The following KYNU variants were observed in gnomAD, a reference collection of about 807,000 sequenced individuals.
KYNU encodes L-kynurenine hydrolase.
In KYNU, 54 loss-of-function variants were observed where a neutral mutation model predicts 59.2. The observed-to-expected ratio is 0.91, with a 90% CI of 0.73 to 1.14. KYNU has a LOEUF of 1.14. Ranked by LOEUF, KYNU falls within the 50% of genes most tolerant of loss-of-function variation. The probability of loss-of-function intolerance (pLI) is 0.00; values close to 1 mark genes in which losing one functional copy is unlikely to be tolerated. For synonymous variants in KYNU, 177 were observed against 192.0 expected, an observed-to-expected ratio of 0.92 and a Z score of 0.65; for missense variants, 567 against 554.4, an observed-to-expected ratio of 1.02 and a Z score of -0.23.
At chr2:142,994,476 C>G (rs1358053348) in intron 10 of KYNU, among the ~76,000 whole-genome samples, 1 of 152,070 alleles carries the variant, frequency 6.6e-6, no homozygotes, top group Non-Finnish European at 1.5e-5. Context: ...ATGACCAACT[C>G]ATGTATAGAT....
At chr2:143,029,776 G>C in intron 11 of KYNU, 97 bp downstream of exon 11, 1 of 750,564 alleles carries the variant, frequency 1.3e-6, no homozygotes, top group South Asian at 1.5e-5. Context: ...GCCCCAGGGA[G>C]AGTGCACTTC....
At chr2:143,011,216 GA>G (rs953281440) in intron 10 of KYNU, among the ~76,000 whole-genome samples, 3 of 137,820 alleles carry the variant, frequency 2.2e-5, no homozygotes, top group Admixed American at 2.2e-4. Context: ...AAATTTACAA[GA>G]AAAAAACAAA....
intron 3 of KYNU, among the ~76,000 whole-genome samples, chr2:142,920,126 A>G (rs895046420): frequency 6.6e-6 from 1 of 152,206 alleles, no homozygotes; most frequent in Non-Finnish European, 1.5e-5. Flanking sequence ...TGGCTATTAG[A>G]TAACACTGTG....
intron 7 of KYNU, among the ~76,000 whole-genome samples, chr2:142,959,972 G>T (rs889412454): frequency 6.6e-6 from 1 of 152,080 alleles, no homozygotes; most frequent in Non-Finnish European, 1.5e-5. Flanking sequence ...TGTCACCCAG[G>T]CTGGAGTGCA....
chr2:143,017,018 T>C (rs529979512), intron 10 of KYNU, among the ~76,000 whole-genome samples: 1 of 152,348 alleles, frequency 6.6e-6, no homozygotes, highest in African/African-American at 2.4e-5. Flanking sequence ...TTTCTGTTGC[T>C]GCATTAATTT....
intron 10 of KYNU, among the ~76,000 whole-genome samples, chr2:143,024,736 G>A (rs950155363): frequency 6.6e-6 from 1 of 151,948 alleles, no homozygotes; most frequent in South Asian, 2.1e-4. Flanking sequence ...TGAGTTAATC[G>A]CTCCCAACTA....
intron 10 of KYNU, among the ~76,000 whole-genome samples, chr2:143,024,530 G>GT (rs369650130): frequency 0.022 from 3,300 of 151,018 alleles, 128 homozygotes; most frequent in African/African-American, 0.076. Context: ...CATGTATCAT[G>GT]TTTTTTTTTC....
chr2:143,000,533 C>T (rs1573886762), intron 10 of KYNU, among the ~76,000 whole-genome samples: 1 of 152,104 alleles, frequency 6.6e-6, no homozygotes, highest in East Asian at 1.9e-4. Context: ...ACATACAGAT[C>T]AGGCAGTCAT....
chr2:142,891,127 C>G (rs556883567), intron 2 of KYNU, among the ~76,000 whole-genome samples: 2 of 152,238 alleles, frequency 1.3e-5, no homozygotes, highest in Non-Finnish European at 1.5e-5. Flanking sequence ...CTCAATCCTG[C>G]TTTTACTTTT....
At position 142,910,440 on chromosome 2, in the gene KYNU, G is replaced by A. The variant is rs139418818; in HGVS notation, c.170-8169G>A. ...TGGGGTTATTTGTTTCTCGCTTGTC[G>A]AATTGCTTAAATTCCTTATAGAGTC... On this transcript the variant is annotated intron_variant, in intron 2 of 13. Transcript: ENST00000264170. Among the ~76,000 whole-genome samples, 110 of 152,030 alleles carry A rather than the reference G, an allele frequency of 7.2e-4. No individual in the cohort carries two copies. In the East Asian group the frequency reaches 0.014, roughly 19 times the overall value.
intron 4 of KYNU, among the ~76,000 whole-genome samples, chr2:142,929,692 GGATTATA>G (rs1244638045): frequency 1.3e-5 from 2 of 152,130 alleles, no homozygotes; most frequent in African/African-American, 4.8e-5. Flanking sequence ...ATAGGTCATA[GGATTATA>G]GATGGAGTCA....
chr2:142,996,274 G>GA (rs989414462), intron 10 of KYNU, among the ~76,000 whole-genome samples: 90 of 152,238 alleles, frequency 5.9e-4, no homozygotes, highest in African/African-American at 2.1e-3. Context: ...GATGATAGAT[G>GA]AATAGAGCTT....
chr2:142,899,941 T>C (rs538052908), intron 2 of KYNU, among the ~76,000 whole-genome samples: 1 of 152,302 alleles, frequency 6.6e-6, no homozygotes, highest in South Asian at 2.1e-4. Context: ...TGGGGGGTTC[T>C]AGCTCCCAGA....
chr2:142,931,924 TGAC>T (rs1239686776), intron 4 of KYNU, among the ~76,000 whole-genome samples: 2 of 152,152 alleles, frequency 1.3e-5, no homozygotes. Context: ...AGAGTTTGTG[TGAC>T]GACATTTGCA....
At chr2:142,900,692 T>C (rs1682048321) in intron 2 of KYNU, among the ~76,000 whole-genome samples, 1 of 152,202 alleles carries the variant, frequency 6.6e-6, no homozygotes, top group African/African-American at 2.4e-5. Context: ...TCAGTCTCCC[T>C]TCTCAACAGG....
At chr2:143,032,711 T>TTGTATGTGTGTGTGTGTG (rs145787098) in intron 11 of KYNU, among the ~76,000 whole-genome samples, 1 of 129,370 alleles carries the variant, frequency 7.7e-6, no homozygotes, top group African/African-American at 2.9e-5. Flanking sequence ...GCTCCCTCTA[T>TTGTATGTGTGTGTGTGTG]TGTGTGTGTG....
At chr2:143,023,407 T>C (rs1357257109) in intron 10 of KYNU, among the ~76,000 whole-genome samples, 1 of 151,954 alleles carries the variant, frequency 6.6e-6, no homozygotes, top group African/African-American at 2.4e-5. Flanking sequence ...TGAGCATTTC[T>C]TTTGAAAGCT....
intron 10 of KYNU, among the ~76,000 whole-genome samples, chr2:142,990,382 A>G (rs577644417): frequency 6.6e-6 from 1 of 151,982 alleles, no homozygotes; most frequent in African/African-American, 2.4e-5. Context: ...GTTAACCCTC[A>G]TGGCACACTT....
intron 10 of KYNU, among the ~76,000 whole-genome samples, chr2:143,017,348 A>G (rs1686280491): frequency 2.0e-5 from 3 of 151,912 alleles, no homozygotes; most frequent in Non-Finnish European, 1.5e-5. Flanking sequence ...GAAAAAAATT[A>G]CATTCCCACC....
Sources: gnomAD v4.1 joint callset for allele counts (sites outside exome capture counted in the v4.1 genomes callset) on GRCh38, gnomAD v4.1.1 for gene constraint, MANE v1.5 for transcripts, NCBI Gene and HGNC (gene_info 2026-07-23, HGNC 2026-07-21) for gene names.